RIMS1: variants seen among roughly 807,000 people sequenced by gnomAD.
RIMS1 encodes the protein regulating synaptic membrane exocytosis protein 1.
In RIMS1, 83 loss-of-function variants were observed where a neutral mutation model predicts 214.1. That is an observed-to-expected ratio of 0.39 (90% CI 0.32 to 0.47). The LOEUF (loss-of-function observed/expected upper bound fraction) is 0.47, where lower values mean the gene tolerates loss of function less well. Ranked by LOEUF, RIMS1 falls within the 20% of genes least tolerant of loss-of-function variation. The pLI is 0.99. For synonymous variants in RIMS1, 793 were observed against 786.8 expected, an observed-to-expected ratio of 1.01 and a Z score of -0.13; for missense variants, 2,050 against 2,161.8, an observed-to-expected ratio of 0.95 and a Z score of 1.03.
Position 72,182,442 on chromosome 6 carries a change from C to G in RIMS1, c.971C>G (p.Ser324Ter). Reference protein sequence around the residue: ...RESRRLEKGRSQDYPDTPEKR... With the variant: ...RESRRLEKGR ...AGCCGAAGGCTTGAGAAAGGGCGAT[C>G]ACAGGATTACCCAGACACGCCGGAA... Residue 324 changes from serine (S) to a stop codon, truncating the protein, a stop_gained, in exon 6 of 34, where the codon TCA becomes TGA. Transcript: ENST00000521978. LOFTEE classifies it high-confidence loss of function. The G allele has an allele frequency of 6.2e-7, 1 of 1,613,872 alleles. No individual in the cohort carries two copies. The highest frequency in any genetic ancestry group is 8.5e-7 in the Non-Finnish European group (1 of 1,179,826).
At chr6:72,310,044 G>A (rs892676910) in intron 27 of RIMS1, among the ~76,000 whole-genome samples, 15 of 151,836 alleles carry the variant, frequency 9.9e-5, no homozygotes, top group African/African-American at 3.6e-4. Flanking sequence ...GCCAGTATTG[G>A]CACAAATTTT....
chr6:72,032,427 T>C (rs183614915), intron 2 of RIMS1, among the ~76,000 whole-genome samples: 32 of 152,290 alleles, frequency 2.1e-4, no homozygotes, highest in African/African-American at 7.7e-4. Flanking sequence ...AAGTTTGGCT[T>C]GTCCTAGAGT....
At chr6:72,361,346 T>A (rs2097818527) in intron 29 of RIMS1, among the ~76,000 whole-genome samples, 1 of 151,896 alleles carries the variant, frequency 6.6e-6, no homozygotes, top group Non-Finnish European at 1.5e-5. Flanking sequence ...CTTCAAGTGA[T>A]CCACCCGCCT....
At chr6:71,962,576 T>C (rs1286518482) in intron 1 of RIMS1, among the ~76,000 whole-genome samples, 1 of 152,186 alleles carries the variant, frequency 6.6e-6, no homozygotes, top group African/African-American at 2.4e-5. Context: ...TCCCTTATGG[T>C]GTAGAATTTT....
chr6:72,036,615 A>T (rs1157137046), intron 2 of RIMS1, among the ~76,000 whole-genome samples: 1 of 152,160 alleles, frequency 6.6e-6, no homozygotes, highest in Non-Finnish European at 1.5e-5. Flanking sequence ...TTCACTTAAT[A>T]ACTGAGCTTT....
At chr6:72,376,723 G>T (rs2098391784) in intron 29 of RIMS1, among the ~76,000 whole-genome samples, 1 of 150,956 alleles carries the variant, frequency 6.6e-6, no homozygotes, top group Non-Finnish European at 1.5e-5. Context: ...CTCCAGCCTG[G>T]GTGACAGAGA....
intron 1 of RIMS1, among the ~76,000 whole-genome samples, chr6:71,904,394 T>G (rs532039649): frequency 6.6e-6 from 1 of 152,254 alleles, no homozygotes; most frequent in South Asian, 2.1e-4. Flanking sequence ...AATGAGTCCC[T>G]TGGGAGTTCT....
At chr6:72,327,011 A>T (rs1420646371) in intron 28 of RIMS1, among the ~76,000 whole-genome samples, 1 of 151,754 alleles carries the variant, frequency 6.6e-6, no homozygotes, top group Admixed American at 6.6e-5. Context: ...AGCCTACATA[A>T]ACTAGAAAAG....
At chr6:72,125,318 G>A (rs953940429) in intron 4 of RIMS1, among the ~76,000 whole-genome samples, 2 of 152,210 alleles carry the variant, frequency 1.3e-5, no homozygotes, top group Non-Finnish European at 2.9e-5. Context: ...AGAGGCTGCA[G>A]AACAGCAAAT....
chr6:72,294,632 T>C (rs1303537820), intron 26 of RIMS1, among the ~76,000 whole-genome samples: 1 of 151,804 alleles, frequency 6.6e-6, no homozygotes, highest in East Asian at 1.9e-4. Flanking sequence ...ACAATTTGAC[T>C]GTTTCACTGG....
intron 6 of RIMS1, among the ~76,000 whole-genome samples, chr6:72,220,962 A>G (rs867483227): frequency 3.3e-5 from 5 of 152,118 alleles, no homozygotes; most frequent in African/African-American, 4.8e-5. Flanking sequence ...CATAAAAGTG[A>G]TGGAAAAATT....
chr6:72,362,162 T>C (rs1340766876), intron 29 of RIMS1, among the ~76,000 whole-genome samples: 2 of 152,160 alleles, frequency 1.3e-5, no homozygotes, highest in Non-Finnish European at 2.9e-5. Flanking sequence ...AAGGGATTTT[T>C]TTTTCATACC....
intron 2 of RIMS1, among the ~76,000 whole-genome samples, chr6:72,038,108 AAAAAAAAAAAATATATATAT>A (rs1820278717): frequency 2.7e-5 from 2 of 73,914 alleles, no homozygotes; most frequent in East Asian, 3.9e-4. Flanking sequence ...AAAAAAAAAA[AAAAAAAAAAAATATATATAT>A]ATATATATAT....
chr6:72,343,589 G>T (rs1344120719), intron 29 of RIMS1, among the ~76,000 whole-genome samples: 1 of 144,268 alleles, frequency 6.9e-6, no homozygotes. Flanking sequence ...GGGATTACTG[G>T]CATGAGTCAC....
intron 2 of RIMS1, among the ~76,000 whole-genome samples, chr6:72,051,514 A>G (rs959657445): frequency 5.9e-5 from 9 of 152,152 alleles, no homozygotes; most frequent in African/African-American, 1.9e-4. Context: ...AGTTCTAACT[A>G]CTTCCTCTTG....
At chr6:72,061,163 G>T (rs1827743867) in intron 2 of RIMS1, among the ~76,000 whole-genome samples, 1 of 151,846 alleles carries the variant, frequency 6.6e-6, no homozygotes, top group Non-Finnish European at 1.5e-5. Context: ...GATATAGCTT[G>T]GTTCTTAATA....
chr6:72,223,787 A>T (rs2059297608), intron 6 of RIMS1, among the ~76,000 whole-genome samples: 1 of 151,908 alleles, frequency 6.6e-6, no homozygotes. Flanking sequence ...CTATACTAAA[A>T]ATACAAAAAA....
intron 4 of RIMS1, among the ~76,000 whole-genome samples, chr6:72,154,444 T>C (rs2044175317): frequency 7.1e-6 from 1 of 140,326 alleles, no homozygotes; most frequent in African/African-American, 2.5e-5. Context: ...ATGATCAAAA[T>C]AGCAAAAAAT....
At chr6:72,400,369 A>G (rs1186562138) in intron 33 of RIMS1, 127 bp from the exon 34 acceptor site, 3 of 713,466 alleles carry the variant, frequency 4.2e-6, no homozygotes, top group Non-Finnish European at 7.5e-6. Context: ...CCTTGGTGAT[A>G]GTTGTATTCA....
Sources: gnomAD v4.1 joint callset for allele counts (sites outside exome capture counted in the v4.1 genomes callset) on GRCh38, gnomAD v4.1.1 for gene constraint, MANE v1.5 for transcripts, NCBI Gene and HGNC (gene_info 2026-07-23, HGNC 2026-07-21) for gene names.